SLC9A5: variants seen among roughly 807,000 people sequenced by gnomAD.
The protein encoded by SLC9A5 is solute carrier family 9 member A5.
A neutral mutation model predicts 91.7 loss-of-function variants in SLC9A5; 52 were observed. The observed-to-expected ratio is 0.57, with a 90% CI of 0.45 to 0.71. The LOEUF (loss-of-function observed/expected upper bound fraction) is 0.71, where lower values mean the gene tolerates loss of function less well. Ranked by LOEUF, SLC9A5 falls within the 30% of genes least tolerant of loss-of-function variation. The probability of loss-of-function intolerance (pLI) is 0.00; values close to 1 mark genes in which losing one functional copy is unlikely to be tolerated. For missense variants in SLC9A5, 871 were observed against 1,158.9 expected (o/e 0.75, Z 3.61); for synonymous variants, 419 against 474.5 (o/e 0.88, Z 1.52).
At position 67,257,270 on chromosome 16, in the gene SLC9A5, C is replaced by T. The variant is rs1429954339; in HGVS notation, c.1336-75C>T. On this transcript the variant is annotated intron_variant, in intron 7 of 15. Transcript: ENST00000299798. The surrounding 1 kb of genome is among the most constrained non-coding windows in gnomAD (Gnocchi z 5.1). ...TGGGGTAGGGGTACTGAAGCTGAAG[C>T]CTCATTACGGGGAGAGAAAGGCAGC... The T allele has an allele frequency of 4.2e-6, 6 of 1,432,646 alleles. No homozygotes were observed. The highest frequency in any genetic ancestry group is 5.9e-6 in the Non-Finnish European group (6 of 1,018,118). 88.7% of individuals were successfully genotyped at this position (1,432,646 alleles called of 1,614,324 possible).
At chr16:67,262,192 C>G (rs1407685643) in intron 12 of SLC9A5, 3 of 440,734 alleles carry the variant, frequency 6.8e-6, no homozygotes, top group Admixed American at 5.1e-5. Flanking sequence ...CATCCAAATC[C>G]ACATAAACAT....
chr16:67,269,924 G>C (rs925262022), intron 15 of SLC9A5, among the ~76,000 whole-genome samples: 7 of 152,186 alleles, frequency 4.6e-5, no homozygotes, highest in Non-Finnish European at 5.9e-5. Flanking sequence ...CCTGCTGTTA[G>C]GTTTGCATGA....
chr16:67,253,467 T>C (rs2142342735), intron 2 of SLC9A5, among the ~76,000 whole-genome samples: 1 of 152,272 alleles, frequency 6.6e-6, no homozygotes, highest in East Asian at 1.9e-4. Context: ...TAGAACCCCT[T>C]GCATTTGTTT....
At position 67,256,728 on chromosome 16, in the gene SLC9A5, G is replaced by C; in HGVS notation, c.1132+39G>C. ...CCTCTGCTTTCCCACTCTCCTTCCTGTCCCGCCCCTCCCTGCAGCTCATCT... is the reference window on the plus strand; with the variant it reads ...CCTCTGCTTTCCCACTCTCCTTCCTCTCCCGCCCCTCCCTGCAGCTCATCT... On this transcript the variant is annotated intron_variant, in intron 6 of 15. Transcript: ENST00000299798. The surrounding 1 kb of genome is among the most constrained non-coding windows in gnomAD (Gnocchi z 4.1). 6.6e-7 allele frequency: 1 copy of C among 1,507,012 alleles called. No individual in the cohort carries two copies. The highest frequency in any genetic ancestry group is 9.2e-7 in the Non-Finnish European group (1 of 1,087,400). The allele number at this position is 1,507,012 out of a possible 1,614,324, so 93.4% of individuals were successfully genotyped here.
Position 67,258,479 on chromosome 16 carries a change from T to G in SLC9A5, c.1626+32T>G. On this transcript the variant is annotated intron_variant, in intron 10 of 15. Coordinates refer to ENST00000299798, the MANE Select transcript of SLC9A5 (RefSeq NM_004594.3). The surrounding 1 kb of genome is among the most constrained non-coding windows in gnomAD (Gnocchi z 4.5). The stretch of plus-strand genomic sequence containing the variant: ...CAGCAGCTTCCAGGTGGGCCAGTGG[T>G]GGGTGGGCAGATGGTCAGCAGAGCA... 1.2e-6 allele frequency: 2 copies of G among 1,613,246 alleles called. No individual in the cohort carries two copies. Among genetic ancestry groups the G allele is most frequent in the Non-Finnish European group, 1.7e-6 (2 of 1,179,660 alleles).
intron 15 of SLC9A5, among the ~76,000 whole-genome samples, chr16:67,267,950 C>T (rs2035772530): frequency 6.6e-6 from 1 of 152,146 alleles, no homozygotes; most frequent in Admixed American, 6.5e-5. Context: ...TCCTTTGATG[C>T]AAGTCTCAAA....
Position 67,255,479 on chromosome 16 carries a change from T to C in SLC9A5, c.733+8T>C. ...ACTACCTGAAGGGAGTCGGTCAGTA[T>C]TTCCCCGCTCCCAGCTGGCATTGGA... On this transcript the variant is annotated splice_region_variant and intron_variant, in intron 4 of 15. Coordinates refer to ENST00000299798, the MANE Select transcript of SLC9A5 (RefSeq NM_004594.3). The surrounding 1 kb of genome is among the most constrained non-coding windows in gnomAD (Gnocchi z 4.9). The C allele has an allele frequency of 3.1e-6, 5 of 1,613,800 alleles. No individual in the cohort carries two copies. The highest frequency in any genetic ancestry group is 4.2e-6 in the Non-Finnish European group (5 of 1,179,788).
intron 15 of SLC9A5, among the ~76,000 whole-genome samples, chr16:67,266,842 ATTC>A (rs1393131502): frequency 8.3e-6 from 1 of 119,832 alleles, no homozygotes; most frequent in African/African-American, 3.6e-5. Flanking sequence ...TGCCCGGCCT[ATTC>A]TTTTCTTTTT....
At chr16:67,250,839 A>G (rs1477840122) in intron 1 of SLC9A5, among the ~76,000 whole-genome samples, 1 of 151,958 alleles carries the variant, frequency 6.6e-6, no homozygotes, top group African/African-American at 2.4e-5. Context: ...CTTCCCCAAC[A>G]CCCCAGGGAT....
At chr16:67,268,139 G>C (rs1167595949) in intron 15 of SLC9A5, among the ~76,000 whole-genome samples, 1 of 149,446 alleles carries the variant, frequency 6.7e-6, no homozygotes, top group Non-Finnish European at 1.5e-5. Flanking sequence ...AGCCTCCCGA[G>C]TAGCTGGGAC....
In SLC9A5 at chr16:67,257,206, G is replaced by A; in HGVS notation, c.1335+93G>A. On this transcript the variant is annotated intron_variant, in intron 7 of 15. Transcript: ENST00000299798. The surrounding 1 kb of genome is among the most constrained non-coding windows in gnomAD (Gnocchi z 5.1). Reference sequence around the variant, plus strand: ...GGGACAGGGGCTTCTCTTCCCGCTGGGAGATGGAGGGCCCTGACTTCCCAG... The same window carrying A: ...GGGACAGGGGCTTCTCTTCCCGCTGAGAGATGGAGGGCCCTGACTTCCCAG... 7.1e-7 allele frequency: 1 copy of A among 1,416,954 alleles called. No homozygotes were observed. The highest frequency in any genetic ancestry group is 2.3e-5 in the East Asian group (1 of 43,754). The allele number at this position is 1,416,954 out of a possible 1,614,324, so 87.8% of individuals were successfully genotyped here. A position where few individuals can be genotyped will look rare whatever the true frequency, so the allele number is the denominator to read the frequency against.
In SLC9A5 at chr16:67,249,143, G is replaced by A. The variant is rs761857457; in HGVS notation, c.129G>A (p.Glu43=). 1 of 1,562,942 alleles carries A rather than the reference G, an allele frequency of 6.4e-7. No homozygotes were observed. The highest frequency in any genetic ancestry group is 8.6e-7 in the Non-Finnish European group (1 of 1,160,346). The change falls in exon 1 of 16, where the codon GAG becomes GAA. Residue 43 remains glutamate (E), a synonymous_variant. Transcript: ENST00000299798. Reference sequence around the variant, plus strand: ...AGCTCTTCCGCTGGCAGTGGCACGAGGTGGAGGCGCCCTACCTGGTGGCCC... The same window carrying A: ...AGCTCTTCCGCTGGCAGTGGCACGAAGTGGAGGCGCCCTACCTGGTGGCCC... ...GLELFRWQWH[E]VEAPYLVALW...
chr16:67,263,297 G>A (rs2035591431), intron 12 of SLC9A5: 1 of 152,166 alleles, frequency 6.6e-6, no homozygotes. Flanking sequence ...GGGGCTCTTA[G>A]AACTGGTTCA....
chr16:67,268,017 C>A (rs2035774732), intron 15 of SLC9A5, among the ~76,000 whole-genome samples: 1 of 151,090 alleles, frequency 6.6e-6, no homozygotes, highest in Non-Finnish European at 1.5e-5. Flanking sequence ...TATAAGGATT[C>A]TTTTTTTTTC....
rs1197505576 is a variant in SLC9A5 at position 67,271,117 on chromosome 16, G to T, written c.2598G>T (p.Gln866His). 6.2e-7 allele frequency: 1 copy of T among 1,613,770 alleles called. No individual in the cohort carries two copies. The highest frequency in any genetic ancestry group is 8.5e-7 in the Non-Finnish European group (1 of 1,180,028). ...ACCTCCCCCAGCAGCAGGAGCTGCA[G>T]CCCCTCATGGGCCACAAGGACCACA... ...SADLPQQQEL[Q>H]PLMGHKDHTH... The change falls in exon 16 of 16, where the codon CAG (glutamine) becomes CAT (histidine). Residue 866 changes from glutamine to histidine, a missense_variant. Physicochemically the swap from Gln to His is conservative, Grantham distance 24 (BLOSUM62 0). This residue lies in a region of SLC9A5 where 295 missense variants were observed against 326.0 expected (regional missense o/e 0.90). Transcript: ENST00000299798.
rs937568624 is a variant in SLC9A5, at chr16:67,258,382, C to T, written c.1561C>T (p.Arg521Trp). The T allele has an allele frequency of 2.1e-5, 34 of 1,614,006 alleles. No homozygotes were observed. Among genetic ancestry groups the T allele is most frequent in the Non-Finnish European group, 2.5e-5 (29 of 1,180,012 alleles). Reference sequence around the variant, plus strand: ...GATGCGACGATCAGCCTACCGCATCCGGGACCAGATCTGGGATGTGTACTA... The same window carrying T: ...GATGCGACGATCAGCCTACCGCATCTGGGACCAGATCTGGGATGTGTACTA... ...LLMRRSAYRI[R>W]DQIWDVYYRL... The change falls in exon 10 of 16, where the codon CGG (arginine) becomes TGG (tryptophan). Residue 521 changes from arginine (R) to tryptophan (W), a missense_variant. By Grantham distance (101) the Arg-to-Trp change is moderately radical. Transcript: ENST00000299798. This position sits in a 1 kb window ranked among gnomAD's most constrained non-coding sequence, Gnocchi z 4.5.
intron 15 of SLC9A5, among the ~76,000 whole-genome samples, chr16:67,268,703 TATA>T (rs2035820825): frequency 1.0e-5 from 1 of 98,130 alleles, no homozygotes; most frequent in Admixed American, 1.0e-4. Context: ...TATATATATA[TATA>T]TATATTTTTA....
Position 67,252,624 on chromosome 16 carries a change from T to A in SLC9A5, c.270T>A (p.Ile90=). 6.2e-7 allele frequency: 1 copy of A among 1,614,110 alleles called. No homozygotes were observed. The highest frequency in any genetic ancestry group is 1.1e-5 in the South Asian group (1 of 91,084). Residue 90 remains isoleucine, a synonymous_variant, in exon 2 of 16, where the codon ATT becomes ATA. Coordinates refer to ENST00000299798, the MANE Select transcript of SLC9A5 (RefSeq NM_004594.3). This position sits in a 1 kb window ranked among gnomAD's most constrained non-coding sequence, Gnocchi z 4.0. ...TGCTGGGCCTGGTGCTAGGGGGAATTGTTTTGGCTGTGGCCAAGAAAGCTG... is the reference window on the plus strand; with the variant it reads ...TGCTGGGCCTGGTGCTAGGGGGAATAGTTTTGGCTGTGGCCAAGAAAGCTG... ...LILLGLVLGG[I]VLAVAKKAEY...
In SLC9A5 at chr16:67,257,299, G is replaced by A. The variant is rs761177324; in HGVS notation, c.1336-46G>A. 1.3e-6 allele frequency: 2 copies of A among 1,525,994 alleles called. No individual in the cohort carries two copies. Among genetic ancestry groups the A allele is most frequent in the East Asian group, 4.5e-5 (2 of 44,402 alleles). 94.5% of individuals were successfully genotyped at this position (1,525,994 alleles called of 1,614,324 possible). A position where few individuals can be genotyped will look rare whatever the true frequency, so the allele number is the denominator to read the frequency against. ...ATTACGGGGAGAGAAAGGCAGCAGG[G>A]AACTGAATAGGAATAGGGCAGGGCT... is the stretch of plus-strand genomic sequence containing the variant. On this transcript the variant is annotated intron_variant, in intron 7 of 15. Transcript: ENST00000299798. The surrounding 1 kb of genome is among the most constrained non-coding windows in gnomAD (Gnocchi z 5.1).
Sources: allele counts gnomAD v4.1 joint callset (sites outside exome capture counted in the v4.1 genomes callset), GRCh38; gene constraint gnomAD v4.1.1; regional missense constraint gnomAD v4.1.1; non-coding constraint Gnocchi (gnomAD v3.1); transcripts MANE v1.5; gene names NCBI Gene and HGNC (gene_info 2026-07-23, HGNC 2026-07-21).